Variants in IL1RAPL1 observed in about 807,000 individuals in gnomAD.
IL1RAPL1 encodes interleukin 1 receptor accessory protein like 1.
Under a neutral mutation model 48.4 loss-of-function variants are expected in IL1RAPL1, and 3 were observed. That is an observed-to-expected ratio of 0.06 (90% confidence interval 0.03 to 0.16). The LOEUF (loss-of-function observed/expected upper bound fraction) is 0.16, where lower values mean the gene tolerates loss of function less well. Among genes scored for constraint, IL1RAPL1 ranks in the 10% least tolerant of loss-of-function variants. The probability of loss-of-function intolerance (pLI) is 1.00; values close to 1 mark genes in which losing one functional copy is unlikely to be tolerated. For missense variants in IL1RAPL1, 349 were observed against 530.6 expected, an observed-to-expected ratio of 0.66 and a Z score of 3.36; for synonymous variants, 185 against 187.7, an observed-to-expected ratio of 0.99 and a Z score of 0.12.
intron 2 of IL1RAPL1, among the ~76,000 whole-genome samples, chrX:29,020,597 A>T (rs192219309): frequency 8.9e-5 from 10 of 111,922 alleles, no homozygotes; most frequent in African/African-American, 2.6e-4. Context: ...TCGTTCAGTG[A>T]TGCATTACTG....
chrX:29,527,834 G>A (rs1344377849), intron 5 of IL1RAPL1, among the ~76,000 whole-genome samples: 1 of 111,814 alleles, frequency 8.9e-6, no homozygotes, highest in Admixed American at 9.5e-5. Context: ...CACAGATCCT[G>A]TAGAAAGATG....
intron 5 of IL1RAPL1, among the ~76,000 whole-genome samples, chrX:29,495,891 CTCTG>C (rs889185591): frequency 2.4e-4 from 27 of 110,778 alleles, no homozygotes; most frequent in South Asian, 1.2e-3. Flanking sequence ...CTCTCTCTCT[CTCTG>C]TCTGTCTGTC....
chrX:29,498,168 G>A (rs373481795), intron 5 of IL1RAPL1, among the ~76,000 whole-genome samples: 5 of 111,873 alleles, frequency 4.5e-5, no homozygotes, highest in East Asian at 5.6e-4. Flanking sequence ...TTTGACAGTC[G>A]TGATTTTTCT....
At chrX:29,246,806 C>T (rs1045198247) in intron 2 of IL1RAPL1, among the ~76,000 whole-genome samples, 1 of 111,180 alleles carries the variant, frequency 9.0e-6, no homozygotes, top group African/African-American at 3.3e-5. Flanking sequence ...AAGTCTAGAG[C>T]TGTTCCCAAA....
At chrX:29,088,440 C>A (rs1490226032) in intron 2 of IL1RAPL1, among the ~76,000 whole-genome samples, 1 of 109,903 alleles carries the variant, frequency 9.1e-6, no homozygotes, top group Non-Finnish European at 1.9e-5. Context: ...CTTTGGGAGG[C>A]CAAGGAGGGC....
chrX:28,746,616 T>C (rs1055578533), intron 1 of IL1RAPL1, among the ~76,000 whole-genome samples: 2 of 112,225 alleles, frequency 1.8e-5, no homozygotes, highest in African/African-American at 6.5e-5. Flanking sequence ...AGCAAACATT[T>C]TTAAAGTGAA....
intron 2 of IL1RAPL1, among the ~76,000 whole-genome samples, chrX:29,146,091 A>G (rs759341116): frequency 8.9e-6 from 1 of 111,997 alleles, no homozygotes; most frequent in African/African-American, 3.2e-5. Flanking sequence ...CTGTGAGAAA[A>G]GGCCAGAATA....
At chrX:29,483,309 G>C (rs1935060081) in intron 5 of IL1RAPL1, among the ~76,000 whole-genome samples, 1 of 111,577 alleles carries the variant, frequency 9.0e-6, no homozygotes, top group South Asian at 3.7e-4. Flanking sequence ...ATGGGCAAAG[G>C]CTTCAGTAAA....
intron 2 of IL1RAPL1, among the ~76,000 whole-genome samples, chrX:29,047,953 A>T (rs745868221): frequency 9.0e-6 from 1 of 110,903 alleles, no homozygotes. Context: ...TATGCATTAC[A>T]TACCACCCTT....
chrX:29,271,034 C>G (rs756345636), intron 2 of IL1RAPL1, among the ~76,000 whole-genome samples: 14 of 111,418 alleles, frequency 1.3e-4, no homozygotes, highest in Non-Finnish European at 2.6e-4. Context: ...CTCAAGTAGA[C>G]CTTGTTATCT....
chrX:28,917,000 G>T (rs746176648), intron 2 of IL1RAPL1, among the ~76,000 whole-genome samples: 41 of 111,844 alleles, frequency 3.7e-4, no homozygotes, highest in African/African-American at 1.2e-3. Context: ...GAGTATAATT[G>T]TGCATTACAG....
At chrX:28,607,149 G>A (rs1934092739) in intron 1 of IL1RAPL1, among the ~76,000 whole-genome samples, 1 of 108,411 alleles carries the variant, frequency 9.2e-6, no homozygotes, top group Non-Finnish European at 1.9e-5. Context: ...ATTCTTCTAT[G>A]TTTCATTCGC....
intron 5 of IL1RAPL1, among the ~76,000 whole-genome samples, chrX:29,607,223 C>G (rs1028886832): frequency 3.6e-5 from 4 of 111,345 alleles, no homozygotes; most frequent in African/African-American, 1.3e-4. Flanking sequence ...TTTTGGAAGT[C>G]AACTTACCAA....
intron 1 of IL1RAPL1, among the ~76,000 whole-genome samples, chrX:28,658,535 T>C (rs1443376175): frequency 9.1e-6 from 1 of 109,570 alleles, no homozygotes; most frequent in Non-Finnish European, 1.9e-5. Context: ...TTAGTTTTTG[T>C]CTTTTTTTTT....
At chrX:29,164,539 G>C (rs1929748327) in intron 2 of IL1RAPL1, among the ~76,000 whole-genome samples, 1 of 111,194 alleles carries the variant, frequency 9.0e-6, no homozygotes, top group African/African-American at 3.3e-5. Context: ...CAAAGTATGT[G>C]ATCAATATTT....
At chrX:28,631,775 C>T (rs1211874524) in intron 1 of IL1RAPL1, among the ~76,000 whole-genome samples, 1 of 112,483 alleles carries the variant, frequency 8.9e-6, no homozygotes, top group Admixed American at 9.4e-5. Flanking sequence ...CCTAATACCT[C>T]CCCAAACTAC....
intron 5 of IL1RAPL1, among the ~76,000 whole-genome samples, chrX:29,443,668 G>A (rs1934576852): frequency 9.0e-6 from 1 of 111,714 alleles, no homozygotes; most frequent in African/African-American, 3.3e-5. Context: ...CCCAAATATA[G>A]TAACTTATAT....
chrX:28,951,501 A>G (rs1249812567), intron 2 of IL1RAPL1, among the ~76,000 whole-genome samples: 1 of 110,112 alleles, frequency 9.1e-6, no homozygotes, highest in Non-Finnish European at 1.9e-5. Context: ...TTATTTTTAT[A>G]GAATATCAGC....
At chrX:29,780,224 T>A (rs1276674487) in intron 6 of IL1RAPL1, among the ~76,000 whole-genome samples, 1 of 111,832 alleles carries the variant, frequency 8.9e-6, no homozygotes, top group Non-Finnish European at 1.9e-5. Context: ...TACAAATTCT[T>A]AAAAGAAGAT....
Sources: gnomAD v4.1 joint callset for allele counts (sites outside exome capture counted in the v4.1 genomes callset) on GRCh38, gnomAD v4.1.1 for gene constraint, MANE v1.5 for transcripts, NCBI Gene and HGNC (gene_info 2026-07-23, HGNC 2026-07-21) for gene names.